The following OTOP1 variants were observed in gnomAD, a reference collection of about 807,000 sequenced individuals.
The protein encoded by OTOP1 is proton channel OTOP1.
In OTOP1, 59 loss-of-function variants were observed where a neutral mutation model predicts 52.9. The ratio of observed to expected loss-of-function variants is 1.12; its 90% CI spans 0.91 to 1.39. OTOP1 has a LOEUF of 1.39. OTOP1 is among the 40% of genes most tolerant of loss of function. The pLI, the probability that OTOP1 is intolerant of heterozygous loss-of-function variation, is 0.00. For synonymous variants in OTOP1, 317 were observed against 337.7 expected (o/e 0.94, Z 0.67); for missense variants, 761 against 800.9 (o/e 0.95, Z 0.60).
chr4:4,210,881 C>T lies in OTOP1; in HGVS notation c.540+1987G>A, dbSNP rs1312234188. Among the ~76,000 whole-genome samples, 8 of 152,120 alleles carry T rather than the reference C, an allele frequency of 5.3e-5. No homozygotes were observed. In the South Asian group the frequency reaches 6.2e-4, roughly 12 times the overall value. ...GCATATTGAATTTGGGCCACCCTAA[C>T]GATCTTATTTAACCTCAATTTCCTC... On this transcript the variant is annotated intron_variant, in intron 2 of 5. Coordinates refer to ENST00000296358, the MANE Select transcript of OTOP1 (RefSeq NM_177998.3).
intron 1 of OTOP1, among the ~76,000 whole-genome samples, chr4:4,219,490 G>A (rs1038082196): frequency 3.1e-4 from 47 of 151,856 alleles, no homozygotes; most frequent in South Asian, 1.9e-3. Context: ...TCAGGATGTC[G>A]GGAGATCGAG....
chr4:4,202,789 C>G (rs928158136), intron 3 of OTOP1, among the ~76,000 whole-genome samples: 1 of 152,210 alleles, frequency 6.6e-6, no homozygotes, highest in East Asian at 1.9e-4. Flanking sequence ...GGCATTCAGC[C>G]GTAGTCTTGA....
At position 4,226,760 on chromosome 4, in the gene OTOP1, G is replaced by A. The variant is rs1717449807; in HGVS notation, c.105C>T (p.Ala35=). The A allele has an allele frequency of 1.4e-6, 2 of 1,388,106 alleles. No homozygotes were observed. The highest frequency in any genetic ancestry group is 1.9e-6 in the Non-Finnish European group (2 of 1,072,476). 86.0% of individuals were successfully genotyped at this position (1,388,106 alleles called of 1,614,324 possible). A position where few individuals can be genotyped will look rare whatever the true frequency, so the allele number is the denominator to read the frequency against. ...GGGCCGGGGATTCCGGGGACCTCGGGGCCGAGGACGAGGGAGGCGAGCAGG... is the reference window on the plus strand; with the variant it reads ...GGGCCGGGGATTCCGGGGACCTCGGAGCCGAGGACGAGGGAGGCGAGCAGG... ...PAACSPPSSS[A]PRSPESPAPR... is the part of the protein sequence containing the mutation. The change falls in exon 1 of 6, where the codon GCC becomes GCT. Residue 35 remains alanine (A), a synonymous_variant. Transcript: ENST00000296358.
chr4:4,192,548 C>T (rs1577173762), intron 5 of OTOP1, among the ~76,000 whole-genome samples: 1 of 152,188 alleles, frequency 6.6e-6, no homozygotes, highest in East Asian at 1.9e-4. Context: ...CATTTGGATG[C>T]CACAGAGGCA....
Position 4,226,844 on chromosome 4 carries a change from C to T in OTOP1, c.21G>A (p.Ser7=). The change falls in exon 1 of 6, where the codon TCG becomes TCA. Residue 7 remains serine, a synonymous_variant. Transcript: ENST00000296358. MLEGLG[S]PASPRAAASA... is the part of the protein sequence containing the mutation. The stretch of plus-strand genomic sequence containing the variant: ...TTGCAGCTGCCCGGGGCGAGGCGGG[C>T]GACCCCAGGCCCTCGAGCATCTTCG... 3 of 1,342,486 alleles carry T rather than the reference C, an allele frequency of 2.2e-6. No individual in the cohort carries two copies. The highest frequency in any genetic ancestry group is 1.9e-6 in the Non-Finnish European group (2 of 1,052,350). The allele number at this position is 1,342,486 out of a possible 1,614,324, so 83.2% of individuals were successfully genotyped here.
At chr4:4,204,060 C>CG (rs1197726333) in intron 3 of OTOP1, among the ~76,000 whole-genome samples, 1 of 152,168 alleles carries the variant, frequency 6.6e-6, no homozygotes, top group Non-Finnish European at 1.5e-5. Flanking sequence ...GATCTGCCCA[C>CG]GGGGAAAATG....
chr4:4,200,100 C>T (rs569901728), intron 4 of OTOP1, among the ~76,000 whole-genome samples: 72 of 152,252 alleles, frequency 4.7e-4, no homozygotes, highest in African/African-American at 1.3e-3. Flanking sequence ...AATAACCAAA[C>T]GTTCACAGCA....
chr4:4,225,732 C>T (rs1236844972), intron 1 of OTOP1, among the ~76,000 whole-genome samples: 4 of 152,158 alleles, frequency 2.6e-5, no homozygotes, highest in East Asian at 1.9e-4. Context: ...TTCTCAACAC[C>T]CACTTCGTGC....
At chr4:4,204,731 TGTGTGTGTGTGTGTGTGTG>T (rs1716861240) in intron 3 of OTOP1, among the ~76,000 whole-genome samples, 1 of 18,570 alleles carries the variant, frequency 5.4e-5, no homozygotes, top group African/African-American at 3.3e-4. Flanking sequence ...TGTGTGTGTG[TGTGTGTGTGTGTGTGTGTG>T]CGTGTGCATG....
At chr4:4,206,262 C>T (rs1464121657) in intron 2 of OTOP1, 132 bp from the exon 3 acceptor site, 1 of 665,382 alleles carries the variant, frequency 1.5e-6, no homozygotes. Context: ...CCTACTCCAT[C>T]TTAGGTGGCA....
chr4:4,213,387 A>G (rs1254699953), intron 1 of OTOP1, among the ~76,000 whole-genome samples: 1 of 152,252 alleles, frequency 6.6e-6, no homozygotes, highest in East Asian at 1.9e-4. Context: ...AAATTAAATA[A>G]GATGAACTAC....
chr4:4,198,159 A>G, intron 4 of OTOP1, 56 bp from the exon 5 acceptor site: 1 of 1,432,464 alleles, frequency 7.0e-7, no homozygotes, highest in African/African-American at 1.4e-5. Flanking sequence ...AAGGGGGAAC[A>G]GAAAAGCACA....
At chr4:4,203,851 G>A (rs1716840848) in intron 3 of OTOP1, among the ~76,000 whole-genome samples, 1 of 152,218 alleles carries the variant, frequency 6.6e-6, no homozygotes, top group South Asian at 2.1e-4. Context: ...CTCAGGCTTT[G>A]GGTGGGTCCC....
At chr4:4,189,414 T>A (rs1256532521) in intron 5 of OTOP1, among the ~76,000 whole-genome samples, 1 of 152,244 alleles carries the variant, frequency 6.6e-6, no homozygotes, top group East Asian at 1.9e-4. Context: ...CTCTTTTGTG[T>A]CCCAGTTCTC....
chr4:4,210,320 A>G (rs1716999082), intron 2 of OTOP1, among the ~76,000 whole-genome samples: 1 of 152,212 alleles, frequency 6.6e-6, no homozygotes, highest in Non-Finnish European at 1.5e-5. Flanking sequence ...GCAGCCAGTT[A>G]TCTTTGATCA....
At chr4:4,189,006 G>T in intron 5 of OTOP1, 33 bp from the exon 6 acceptor site, 1 of 1,599,152 alleles carries the variant, frequency 6.3e-7, no homozygotes, top group Non-Finnish European at 8.5e-7. Flanking sequence ...ATGTGGTGGG[G>T]AGCAGCTTCC....
chr4:4,215,538 G>T (rs1322706891), intron 1 of OTOP1, among the ~76,000 whole-genome samples: 1 of 152,010 alleles, frequency 6.6e-6, no homozygotes, highest in East Asian at 1.9e-4. Flanking sequence ...GTACATGCCT[G>T]TAATCCTGCT....
chr4:4,190,692 G>T (rs1395935823), intron 5 of OTOP1, among the ~76,000 whole-genome samples: 1 of 152,072 alleles, frequency 6.6e-6, no homozygotes, highest in East Asian at 1.9e-4. Context: ...ATTTTATATA[G>T]AGGACTTGAG....
At position 4,219,444 on chromosome 4, in the gene OTOP1, G is replaced by A. The variant is rs144193491; in HGVS notation, c.404-6440C>T. Among the ~76,000 whole-genome samples, 827 of 152,114 alleles carry A rather than the reference G, an allele frequency of 5.4e-3. 10 individuals carry two copies. The highest frequency in any genetic ancestry group is 0.019 in the African/African-American group (775 of 41,508). The stretch of plus-strand genomic sequence containing the variant: ...TTGCCGGGCGCGGTGGCTCACGCCT[G>A]TAATCCCAGCACTTTGGGAGGCCGA... On this transcript the variant is annotated intron_variant, in intron 1 of 5. Coordinates refer to ENST00000296358, the MANE Select transcript of OTOP1 (RefSeq NM_177998.3).
Sources: allele counts gnomAD v4.1 joint callset (sites outside exome capture counted in the v4.1 genomes callset), GRCh38; gene constraint gnomAD v4.1.1; transcripts MANE v1.5; gene names NCBI Gene and HGNC (gene_info 2026-07-23, HGNC 2026-07-21).